Variants in CSMD1 observed in about 807,000 individuals in gnomAD.
CSMD1 encodes CUB and Sushi multiple domains 1.
Under a neutral mutation model 417.5 loss-of-function variants are expected in CSMD1, and 213 were observed. That is an observed-to-expected ratio of 0.51 (90% confidence interval 0.46 to 0.57). The LOEUF is 0.57. Ranked by LOEUF, CSMD1 falls within the 20% of genes least tolerant of loss-of-function variation. CSMD1 has a pLI of 0.00. For synonymous variants in CSMD1, 2,862 were observed against 1,736.8 expected (o/e 1.65, Z -16.11); for missense variants, 6,923 against 4,529.7 (o/e 1.53, Z -15.17).
chr8:4,704,755 A>T (rs10094246), intron 1 of CSMD1, among the ~76,000 whole-genome samples: 144,051 of 152,260 alleles, frequency 0.95, 68,217 homozygotes, highest in East Asian at 1. Flanking sequence ...GATATGTGTG[A>T]GTTGTCGAGG....
At chr8:3,211,252 C>A (rs1467012095) in intron 30 of CSMD1, among the ~76,000 whole-genome samples, 1 of 152,092 alleles carries the variant, frequency 6.6e-6, no homozygotes, top group African/African-American at 2.4e-5. Context: ...GCTATGTTGT[C>A]CAGACTAGTC....
intron 51 of CSMD1, among the ~76,000 whole-genome samples, chr8:3,023,855 A>C (rs1195776907): frequency 1.2e-5 from 1 of 85,252 alleles, no homozygotes. Context: ...CTGGGGAGTC[A>C]AAAAAAAAAA....
At chr8:3,731,294 C>G (rs1291758596) in intron 6 of CSMD1, among the ~76,000 whole-genome samples, 1 of 152,168 alleles carries the variant, frequency 6.6e-6, no homozygotes. Flanking sequence ...AGATGCATCT[C>G]CACAAACAGA....
intron 4 of CSMD1, among the ~76,000 whole-genome samples, chr8:4,022,970 A>T (rs1796865131): frequency 6.6e-6 from 1 of 152,236 alleles, no homozygotes; most frequent in South Asian, 2.1e-4. Context: ...GAGGGCAAAT[A>T]AATAGCAGTA....
At chr8:3,155,036 T>G (rs2129037282) in intron 39 of CSMD1, among the ~76,000 whole-genome samples, 1 of 152,284 alleles carries the variant, frequency 6.6e-6, no homozygotes, top group Non-Finnish European at 1.5e-5. Context: ...ATTACAGAAG[T>G]TGACATAACT....
At chr8:3,562,710 AAG>A (rs1194932828) in intron 10 of CSMD1, among the ~76,000 whole-genome samples, 2 of 152,154 alleles carry the variant, frequency 1.3e-5, no homozygotes, top group Non-Finnish European at 2.9e-5. Flanking sequence ...AAAAATCACA[AAG>A]AGTTACATGT....
At chr8:3,861,526 G>T in intron 5 of CSMD1, among the ~76,000 whole-genome samples, 1 of 152,088 alleles carries the variant, frequency 6.6e-6, no homozygotes, top group African/African-American at 2.4e-5. Flanking sequence ...GATGCCTCTT[G>T]GGAGAATTCT....
rs183241743 is a variant in CSMD1 at position 3,656,698 on chromosome 8, C to T, written c.1010-39901G>A. Among the ~76,000 whole-genome samples, 352 of 152,254 alleles carry T rather than the reference C, an allele frequency of 2.3e-3. 1 individual carries two copies. Among genetic ancestry groups the T allele is most frequent in the African/African-American group, 8.2e-3 (339 of 41,536 alleles). ...ATCCCAGCACTTTGGGAGGCTGAGG[C>T]AGGCAGATCACAAGGTCAGCAGTCC... On this transcript the variant is annotated intron_variant, in intron 7 of 69. Transcript: ENST00000635120.
chr8:4,889,909 A>G (rs1217619347), intron 1 of CSMD1, among the ~76,000 whole-genome samples: 1 of 152,118 alleles, frequency 6.6e-6, no homozygotes, highest in Non-Finnish European at 1.5e-5. Flanking sequence ...CAGTTCACAG[A>G]GCCAGTTTTG....
intron 1 of CSMD1, among the ~76,000 whole-genome samples, chr8:4,934,901 C>T (rs1807506145): frequency 6.6e-6 from 1 of 152,130 alleles, no homozygotes; most frequent in Admixed American, 6.6e-5. Flanking sequence ...CTATCATCTA[C>T]CTATAATGTA....
intron 1 of CSMD1, among the ~76,000 whole-genome samples, chr8:4,646,028 C>T (rs1803495400): frequency 1.3e-5 from 2 of 152,142 alleles, no homozygotes; most frequent in South Asian, 2.1e-4. Flanking sequence ...GATCTCACAT[C>T]GATGTTTTGG....
At chr8:4,377,053 C>G (rs150636386) in intron 3 of CSMD1, among the ~76,000 whole-genome samples, 1 of 152,298 alleles carries the variant, frequency 6.6e-6, no homozygotes, top group East Asian at 1.9e-4. Context: ...AGATTGTTCT[C>G]CTGGATCATT....
In CSMD1 at chr8:3,904,923, C is replaced by T. The variant is rs139884406; in HGVS notation, c.818+92980G>A. Among the ~76,000 whole-genome samples, 5 of 152,244 alleles carry T rather than the reference C, an allele frequency of 3.3e-5. No individual in the cohort carries two copies. The East Asian group carries it at 7.7e-4, about 24-fold the overall frequency. On this transcript the variant is annotated intron_variant, in intron 5 of 69. Coordinates refer to ENST00000635120, the MANE Select transcript of CSMD1 (RefSeq NM_033225.6). ...AAGGGCTGAGATTACAGGTGTGAGC[C>T]ACTGCACCCAGCCCCAAAATACGTA... is the stretch of plus-strand genomic sequence containing the variant.
chr8:4,784,444 CG>C (rs1413999284), intron 1 of CSMD1, among the ~76,000 whole-genome samples: 5 of 152,108 alleles, frequency 3.3e-5, no homozygotes, highest in Non-Finnish European at 7.4e-5. Context: ...ATTTTGAACC[CG>C]TGATTAAAAT....
intron 23 of CSMD1, among the ~76,000 whole-genome samples, chr8:3,330,074 C>T (rs1285428226): frequency 1.3e-5 from 2 of 152,070 alleles, no homozygotes; most frequent in African/African-American, 2.4e-5. Context: ...TGGCCCCATC[C>T]CTGGGTGCAG....
intron 5 of CSMD1, among the ~76,000 whole-genome samples, chr8:3,978,619 A>T (rs1220480686): frequency 6.6e-6 from 1 of 152,116 alleles, no homozygotes; most frequent in African/African-American, 2.4e-5. Context: ...AATTGGAAGG[A>T]AACGTCTCGT....
intron 5 of CSMD1, among the ~76,000 whole-genome samples, chr8:3,875,366 G>A (rs1170540733): frequency 6.6e-6 from 1 of 152,212 alleles, no homozygotes; most frequent in African/African-American, 2.4e-5. Context: ...GACAGTGAGT[G>A]ACGTTTTGGC....
At position 4,508,103 on chromosome 8, in the gene CSMD1, A is replaced by AAC. The variant is rs1491465684; in HGVS notation, c.303-88039_303-88038insGT. Among the ~76,000 whole-genome samples, 126 of 148,536 alleles carry AAC rather than the reference A, an allele frequency of 8.5e-4. 1 individual carries two copies. Among genetic ancestry groups the AAC allele is most frequent in the African/African-American group, 3.0e-3 (123 of 40,624 alleles). ...AAAAAAAATACCAAAAAAAAAAAAA[A>AAC]CCCCAAAAAACAAAAACAGTGAAAT... On this transcript the variant is annotated intron_variant, in intron 2 of 69. Transcript: ENST00000635120.
chr8:4,494,423 C>A (rs1355303974), intron 2 of CSMD1, among the ~76,000 whole-genome samples: 1 of 152,160 alleles, frequency 6.6e-6, no homozygotes, highest in East Asian at 1.9e-4. Flanking sequence ...AGTTTCCCTA[C>A]AATTAGTTTA....
Sources: gnomAD v4.1 joint callset for allele counts (sites outside exome capture counted in the v4.1 genomes callset) on GRCh38, gnomAD v4.1.1 for gene constraint, MANE v1.5 for transcripts, NCBI Gene and HGNC (gene_info 2026-07-23, HGNC 2026-07-21) for gene names.